Variants in SMG7 observed in about 807,000 individuals in gnomAD.
SMG7 encodes the protein SMG7 nonsense mediated mRNA decay factor.
A neutral mutation model predicts 148.2 loss-of-function variants in SMG7; 34 were observed. That is an observed-to-expected ratio of 0.23 (90% CI 0.17 to 0.31). The LOEUF (loss-of-function observed/expected upper bound fraction) is 0.31, where lower values mean the gene tolerates loss of function less well. Among genes scored for constraint, SMG7 ranks in the 10% least tolerant of loss-of-function variants. The pLI is 1.00. For missense variants in SMG7, 1,114 were observed against 1,408.4 expected (o/e 0.79, Z 3.35); for synonymous variants, 492 against 515.1 (o/e 0.96, Z 0.61).
intron 2 of SMG7, chr1:183,513,503 G>C (rs1662676118): frequency 6.6e-6 from 1 of 152,390 alleles, no homozygotes; most frequent in South Asian, 2.1e-4. Context: ...TCCTGAGTAG[G>C]TGTGATTATA....
At chr1:183,525,800 C>T (rs1665717074) in intron 4 of SMG7, among the ~76,000 whole-genome samples, 1 of 152,106 alleles carries the variant, frequency 6.6e-6, no homozygotes, top group Non-Finnish European at 1.5e-5. Context: ...TAAAGGTGTA[C>T]ACTACGGTGA....
chr1:183,524,150 T>C (rs1023408372), intron 4 of SMG7, among the ~76,000 whole-genome samples: 6 of 152,000 alleles, frequency 3.9e-5, no homozygotes, highest in Non-Finnish European at 7.4e-5. Flanking sequence ...GTGTATATCA[T>C]AGCTCACTGC....
chr1:183,533,487 A>G (rs1488173157), intron 9 of SMG7, among the ~76,000 whole-genome samples, 161 bp downstream of exon 9: 1 of 152,210 alleles, frequency 6.6e-6, no homozygotes, highest in Non-Finnish European at 1.5e-5. Flanking sequence ...CTATCCTTTT[A>G]TCTGCTGATA....
intron 1 of SMG7, among the ~76,000 whole-genome samples, chr1:183,489,566 A>G (rs1656407324): frequency 6.6e-6 from 1 of 152,198 alleles, no homozygotes; most frequent in Admixed American, 6.5e-5. Context: ...ATAAAAGGGA[A>G]TATTTAATGA....
At position 183,553,348 on chromosome 1, in the gene SMG7, T is replaced by C. The variant is rs904145964; in HGVS notation, c.*1417T>C. 1 of 882,582 alleles carries C rather than the reference T, an allele frequency of 1.1e-6. No homozygotes were observed. The highest frequency in any genetic ancestry group is 1.7e-6 in the Non-Finnish European group (1 of 594,480). The allele number at this position is 882,582 out of a possible 1,614,324, so 54.7% of individuals were successfully genotyped here. ...AAACAATCTAATTGTTCAATTGCTG[T>C]GCTAGTGGTAGGGTTTATTTTCTGG... is the stretch of plus-strand genomic sequence containing the variant. On this transcript the variant is annotated 3_prime_UTR_variant, in exon 23 of 23. Coordinates refer to ENST00000688051, the MANE Select transcript of SMG7 (RefSeq NM_001375584.1).
chr1:183,542,031 T>TTG (rs1164346863), intron 13 of SMG7, 45 bp from the exon 14 acceptor site: 1 of 1,491,448 alleles, frequency 6.7e-7, no homozygotes, highest in African/African-American at 1.4e-5. Flanking sequence ...TTGTTATTTT[T>TTG]TAAGTTAATG....
At chr1:183,550,505 C>G (rs1339942400) in intron 20 of SMG7, among the ~76,000 whole-genome samples, 1 of 152,210 alleles carries the variant, frequency 6.6e-6, no homozygotes, top group African/African-American at 2.4e-5. Flanking sequence ...GGCATTCATT[C>G]AGTTGACAAA....
At position 183,472,596 on chromosome 1, in the gene SMG7, G is replaced by A; in HGVS notation, c.-25G>A. The A allele has an allele frequency of 7.0e-7, 1 of 1,438,756 alleles. No individual in the cohort carries two copies. The highest frequency in any genetic ancestry group is 9.2e-7 in the Non-Finnish European group (1 of 1,085,396). 89.1% of individuals were successfully genotyped at this position (1,438,756 alleles called of 1,614,324 possible). On this transcript the variant is annotated 5_prime_UTR_variant, in exon 1 of 23. Transcript: ENST00000688051. Reference sequence around the variant, plus strand: ...TGAGAGACCCACGGAGGCTTCGCGGGAAGACGCGGCGGCGGCGGCGGAGGA... The same window carrying A: ...TGAGAGACCCACGGAGGCTTCGCGGAAAGACGCGGCGGCGGCGGCGGAGGA...
intron 1 of SMG7, among the ~76,000 whole-genome samples, chr1:183,511,597 T>A (rs1327518955): frequency 6.6e-6 from 1 of 152,182 alleles, no homozygotes; most frequent in East Asian, 1.9e-4. Context: ...TCAGAGACTG[T>A]CGAATGTTGT....
At position 183,487,385 on chromosome 1, in the gene SMG7, C is replaced by T. The variant is rs1372814481; in HGVS notation, c.29+14736C>T. ...GAAAGATCCTTGTAATCACATTGGA[C>T]ACACCCAGATAATTCAATACACTCT... On this transcript the variant is annotated intron_variant, in intron 1 of 22. Coordinates refer to ENST00000688051, the MANE Select transcript of SMG7 (RefSeq NM_001375584.1). Among the ~76,000 whole-genome samples, 8 of 152,274 alleles carry T rather than the reference C, an allele frequency of 5.3e-5. 1 individual carries two copies. In the South Asian group the frequency reaches 1.7e-3, roughly 32 times the overall value.
intron 1 of SMG7, among the ~76,000 whole-genome samples, chr1:183,487,383 G>GA (rs1431242102): frequency 6.6e-6 from 1 of 151,904 alleles, no homozygotes; most frequent in Admixed American, 6.6e-5. Context: ...AATCACATTG[G>GA]ACACACCCAG....
rs1347346454 is a variant in SMG7, at chr1:183,552,998, C to G, written c.*1067C>G. The G allele has an allele frequency of 1.6e-5, 24 of 1,536,272 alleles. No homozygotes were observed. Among genetic ancestry groups the G allele is most frequent in the Non-Finnish European group, 1.9e-5 (22 of 1,146,922 alleles). On this transcript the variant is annotated 3_prime_UTR_variant, in exon 23 of 23. Coordinates refer to ENST00000688051, the MANE Select transcript of SMG7 (RefSeq NM_001375584.1). The stretch of plus-strand genomic sequence containing the variant: ...CAAGAAGCAACAGCATGGGGTCCAG[C>G]AGTTGGGGCCCAAAAGACAGTCTGA...
intron 1 of SMG7, among the ~76,000 whole-genome samples, chr1:183,508,726 GAAA>G (rs1050648778): frequency 5.9e-5 from 9 of 151,774 alleles, no homozygotes; most frequent in Non-Finnish European, 1.3e-4. Flanking sequence ...TGGGGATACA[GAAA>G]AAAAAGTTAG....
intron 1 of SMG7, among the ~76,000 whole-genome samples, chr1:183,504,465 C>T (rs758846134): frequency 2.6e-5 from 4 of 151,830 alleles, no homozygotes; most frequent in African/African-American, 4.8e-5. Flanking sequence ...TTCAGCCTCC[C>T]GGGTAGCTGG....
At chr1:183,506,837 T>C (rs528584378) in intron 1 of SMG7, among the ~76,000 whole-genome samples, 9 of 151,664 alleles carry the variant, frequency 5.9e-5, no homozygotes, top group South Asian at 4.2e-4. Flanking sequence ...TTTGGAAATA[T>C]CTTACATTTT....
At chr1:183,546,422 A>G (rs930787235) in intron 17 of SMG7, 85 bp downstream of exon 17, 18 of 1,421,350 alleles carry the variant, frequency 1.3e-5, no homozygotes, top group Admixed American at 6.7e-5. Context: ...GATCTTATAA[A>G]AAGGCCACTC....
At chr1:183,489,945 A>G (rs751946711) in intron 1 of SMG7, among the ~76,000 whole-genome samples, 17 of 152,344 alleles carry the variant, frequency 1.1e-4, no homozygotes, top group Non-Finnish European at 2.4e-4. Context: ...CATCATCAGC[A>G]TCACCTGGGA....
intron 2 of SMG7, 70 bp downstream of exon 2, chr1:183,512,938 C>A: frequency 4.3e-6 from 6 of 1,381,798 alleles, no homozygotes; most frequent in Non-Finnish European, 4.9e-6. Flanking sequence ...TATCCTCTTT[C>A]TTATATTATG....
Position 183,545,261 on chromosome 1 carries a change from A to G in SMG7, c.2319A>G (p.Lys773=), listed in dbSNP as rs1485655885. 1 of 1,613,458 alleles carries G rather than the reference A, an allele frequency of 6.2e-7. No individual in the cohort carries two copies. The highest frequency in any genetic ancestry group is 1.3e-5 in the African/African-American group (1 of 75,026). The part of the protein sequence containing the change: ...ALTQQQQSPT[K]AVPALGKSPP... ...CTCAGCAACAACAATCCCCTACAAA[A>G]GCTGTGCCGGCTTTGGGGAAAAGCC... The change falls in exon 16 of 23, where the codon AAA becomes AAG. Residue 773 remains lysine (K), a synonymous_variant. Transcript: ENST00000688051.
Sources: gnomAD v4.1 joint callset for allele counts (sites outside exome capture counted in the v4.1 genomes callset) on GRCh38, gnomAD v4.1.1 for gene constraint, MANE v1.5 for transcripts, NCBI Gene and HGNC (gene_info 2026-07-23, HGNC 2026-07-21) for gene names.